RIPPLY1: variants seen among roughly 807,000 people sequenced by gnomAD.
The protein encoded by RIPPLY1 is ripply transcriptional repressor 1.
RIPPLY1 carries 10 observed loss-of-function variants against 8.7 expected under a neutral mutation model. The observed-to-expected ratio is 1.15, with a 90% confidence interval of 0.71 to 1.94. RIPPLY1 has a LOEUF of 1.94. RIPPLY1 is among the 30% of genes most tolerant of loss of function. The pLI is 0.00. For missense variants in RIPPLY1, 118 were observed against 108.7 expected (o/e 1.09, Z -0.38); for synonymous variants, 54 against 44.8 (o/e 1.20, Z -0.82).
intron 3 of RIPPLY1, 23 bp downstream of exon 3, chrX:106,901,451 G>T (rs770994624): frequency 1.7e-6 from 2 of 1,197,773 alleles, no homozygotes; most frequent in Non-Finnish European, 2.3e-6. Context: ...TGTCAAGTTT[G>T]GAGCTTCATG....
rs1933077927 is a variant in RIPPLY1, at chrX:106,900,747, T to G, written c.*2A>C. On this transcript the variant is annotated 3_prime_UTR_variant, in exon 4 of 4. Coordinates refer to ENST00000276173, the MANE Select transcript of RIPPLY1 (RefSeq NM_138382.3). ...CCCTTCTGGCCCCTTTTCATTGGCCTCCTACTTCTCTTCTTCATCCTCCTG... is the reference window on the plus strand; with the variant it reads ...CCCTTCTGGCCCCTTTTCATTGGCCGCCTACTTCTCTTCTTCATCCTCCTG... The G allele has an allele frequency of 8.3e-7, 1 of 1,203,970 alleles. No individual in the cohort carries two copies. The highest frequency in any genetic ancestry group is 2.2e-5 in the Admixed American group (1 of 45,061).
chrX:106,901,407 A>G, intron 3 of RIPPLY1, 67 bp downstream of exon 3: 1 of 1,011,310 alleles, frequency 9.9e-7, no homozygotes, highest in East Asian at 3.1e-5. Flanking sequence ...GCTTCACAAG[A>G]CCTTTGTGAA....
intron 2 of RIPPLY1, 34 bp downstream of exon 2, chrX:106,902,106 C>CA (rs1454223600): frequency 1.8e-6 from 2 of 1,134,011 alleles, no homozygotes; most frequent in Admixed American, 4.8e-5. Context: ...CATGTGGCTG[C>CA]ATGTGAACAC....
rs1308596325 is a variant in RIPPLY1, at chrX:106,902,121, C to T, written c.231+19G>A. ...CATGTGGCTGCATGTGAACACACGT[C>T]ACAAGGGCTCGAACTCACCAAATCC... On this transcript the variant is annotated intron_variant, in intron 2 of 3. Transcript: ENST00000276173. 41 of 1,181,000 alleles carry T rather than the reference C, an allele frequency of 3.5e-5. No individual in the cohort carries two copies. The highest frequency in any genetic ancestry group is 4.7e-5 in the Non-Finnish European group (41 of 878,001).
chrX:106,902,263 T>C (rs995076380), intron 1 of RIPPLY1, 48 bp from the exon 2 acceptor site: 16 of 1,053,091 alleles, frequency 1.5e-5, no homozygotes, highest in Non-Finnish European at 2.1e-5. Flanking sequence ...GACTGAAAGG[T>C]GGGCTCCCTG....
chrX:106,903,204 T>C lies in RIPPLY1; in HGVS notation c.84A>G (p.Pro28=). 6.6e-6 allele frequency: 8 copies of C among 1,210,753 alleles called. No homozygotes were observed. Among genetic ancestry groups the C allele is most frequent in the Non-Finnish European group, 8.9e-6 (8 of 894,907 alleles). Residue 28 remains proline (P), a synonymous_variant, in exon 1 of 4, where the codon CCA becomes CCG. Coordinates refer to ENST00000276173, the MANE Select transcript of RIPPLY1 (RefSeq NM_138382.3). ...GGCTTAACAGGCCAGGGAGTGCCAG[T>C]GGGGCTTGTGCTAGGTCTGGAGCTA... The part of the protein sequence containing the change: ...LALAPDLAQA[P]LALPGLLSPS...
chrX:106,902,029 A>C (rs1196480217), intron 2 of RIPPLY1, 111 bp downstream of exon 2: 1 of 566,694 alleles, frequency 1.8e-6, no homozygotes, highest in African/African-American at 2.3e-5. Flanking sequence ...TGAGGATGCT[A>C]TCTCAGATCT....
chrX:106,900,671 A>G lies in RIPPLY1; in HGVS notation c.*78T>C. ...CATTTGGATAGGTTAGGGGTGAGGAAGGGGGATGAGCTGTGGCGCTGTAGG... is the reference window on the plus strand; with the variant it reads ...CATTTGGATAGGTTAGGGGTGAGGAGGGGGGATGAGCTGTGGCGCTGTAGG... On this transcript the variant is annotated 3_prime_UTR_variant, in exon 4 of 4. Coordinates refer to ENST00000276173, the MANE Select transcript of RIPPLY1 (RefSeq NM_138382.3). 8.9e-7 allele frequency: 1 copy of G among 1,129,727 alleles called. No individual in the cohort carries two copies. The highest frequency in any genetic ancestry group is 1.2e-6 in the Non-Finnish European group (1 of 853,818). 93.1% of individuals were successfully genotyped at this position (1,129,727 alleles called of 1,213,427 possible).
At chrX:106,901,102 C>G (rs1933086138) in intron 3 of RIPPLY1, among the ~76,000 whole-genome samples, 194 bp from the exon 4 acceptor site, 1 of 112,185 alleles carries the variant, frequency 8.9e-6, no homozygotes, top group South Asian at 3.8e-4. Flanking sequence ...GAAGGTAAAC[C>G]CTTATGGACC....
Position 106,900,522 on chromosome X carries a change from G to A in RIPPLY1, c.*227C>T. ...CCATTCAGGTAAGCCAGGGTGAGCT[G>A]GGCAGCTAGATGACCCAATTTTCAG... On this transcript the variant is annotated 3_prime_UTR_variant, in exon 4 of 4. Transcript: ENST00000276173. The A allele has an allele frequency of 2.2e-6, 1 of 462,202 alleles. No homozygotes were observed. The highest frequency in any genetic ancestry group is 3.4e-6 in the Non-Finnish European group (1 of 297,918). The allele number at this position is 462,202 out of a possible 1,213,427, so 38.1% of individuals were successfully genotyped here.
Position 106,900,867 on chromosome X carries a change from C to T in RIPPLY1, c.338G>A (p.Ser113Asn), listed in dbSNP as rs1322966259. ...PKSRSFDYLYSAGEILLQNFP... is the reference protein window; with the variant it reads ...PKSRSFDYLYNAGEILLQNFP... ...GTTCTGCAGTAAAATCTCCCCAGCA[C>T]TGTACAGATAGTCGAAGGAGCGGGA... The change falls in exon 4 of 4, where the codon AGT becomes AAT. Residue 113 changes from serine (S) to asparagine (N), a missense_variant. Transcript: ENST00000276173. 1.7e-6 allele frequency: 2 copies of T among 1,209,738 alleles called. No individual in the cohort carries two copies.
chrX:106,902,033 C>A, intron 2 of RIPPLY1, 107 bp downstream of exon 2: 1 of 595,445 alleles, frequency 1.7e-6, no homozygotes, highest in South Asian at 3.0e-5. Context: ...GATGCTATCT[C>A]AGATCTGCAC....
At chrX:106,901,897 C>T (rs1933104661) in intron 2 of RIPPLY1, among the ~76,000 whole-genome samples, 1 of 112,052 alleles carries the variant, frequency 8.9e-6, no homozygotes, top group East Asian at 2.8e-4. Flanking sequence ...AGCACTGCCA[C>T]ACACTGGCTG....
At chrX:106,901,676 T>G in intron 2 of RIPPLY1, 138 bp from the exon 3 acceptor site, 1 of 515,267 alleles carries the variant, frequency 1.9e-6, no homozygotes, top group Non-Finnish European at 3.2e-6. Flanking sequence ...CAACCCCCAA[T>G]ACCCACCCCT....
rs953547130 is a variant in RIPPLY1 at position 106,901,269 on chromosome X, A to G, written c.296+205T>C. Reference sequence around the variant, plus strand: ...TATTTCACTGACCCATCCATGGGGGATCATTCTTGGGCATCGTTAACAATG... The same window carrying G: ...TATTTCACTGACCCATCCATGGGGGGTCATTCTTGGGCATCGTTAACAATG... On this transcript the variant is annotated intron_variant, in intron 3 of 3. Transcript: ENST00000276173. 4.5e-5 allele frequency among the ~76,000 whole-genome samples: 5 copies of G among 111,960 alleles called. No homozygotes were observed. In the South Asian group the frequency reaches 1.9e-3, roughly 43 times the overall value.
rs1416336240 is a variant in RIPPLY1, at chrX:106,903,250, A to G, written c.38T>C (p.Val13Ala). The change falls in exon 1 of 4, where the codon GTT (valine) becomes GCT (alanine). Residue 13 changes from valine (V) to alanine (A), a missense_variant. Transcript: ENST00000276173. The part of the protein sequence containing the change: ...SAACAAAATP[V>A]PALALALAPD... ...AGCTAGGGCCAAAGCCAGGGCTGGA[A>G]CAGGGGTGGCAGCAGCAGCACAGGC... 6.6e-6 allele frequency: 8 copies of G among 1,208,065 alleles called. No individual in the cohort carries two copies. Among genetic ancestry groups the G allele is most frequent in the Non-Finnish European group, 7.8e-6 (7 of 893,768 alleles).
At chrX:106,901,668 AC>A in intron 2 of RIPPLY1, 130 bp from the exon 3 acceptor site, 1 of 552,640 alleles carries the variant, frequency 1.8e-6, no homozygotes, top group East Asian at 3.5e-5. Flanking sequence ...GGACCCAGCA[AC>A]CCCCAATACC....
intron 3 of RIPPLY1, 33 bp downstream of exon 3, chrX:106,901,441 T>C (rs758184324): frequency 1.7e-6 from 2 of 1,181,241 alleles, no homozygotes. Context: ...AATGGATCTA[T>C]GTCAAGTTTG....
At position 106,901,568 on chromosome X, in the gene RIPPLY1, C is replaced by A. The variant is rs193137729; in HGVS notation, c.232-30G>T. Reference sequence around the variant, plus strand: ...CCAAAGCAAAAGCTAGCATGTGGCTCAAAGTACATGGCTAGATAACTTCCT... The same window carrying A: ...CCAAAGCAAAAGCTAGCATGTGGCTAAAAGTACATGGCTAGATAACTTCCT... On this transcript the variant is annotated intron_variant, in intron 2 of 3. Coordinates refer to ENST00000276173, the MANE Select transcript of RIPPLY1 (RefSeq NM_138382.3). The A allele has an allele frequency of 2.3e-4, 278 of 1,192,484 alleles. No individual in the cohort carries two copies. The African/African-American group carries it at 4.4e-3, about 19-fold the overall frequency.
Sources: gnomAD v4.1 joint callset for allele counts (sites outside exome capture counted in the v4.1 genomes callset) on GRCh38, gnomAD v4.1.1 for gene constraint, MANE v1.5 for transcripts, NCBI Gene and HGNC (gene_info 2026-07-23, HGNC 2026-07-21) for gene names.